Variants in SEPTIN11 observed in about 807,000 individuals in gnomAD.
SEPTIN11 encodes septin 11.
SEPTIN11 carries 25 observed loss-of-function variants against 51.4 expected under a neutral mutation model. The ratio of observed to expected loss-of-function variants is 0.49; its 90% confidence interval spans 0.35 to 0.68. SEPTIN11 has a LOEUF of 0.68. Ranked by LOEUF, SEPTIN11 falls within the 30% of genes least tolerant of loss-of-function variation. SEPTIN11 has a pLI of 0.00. For synonymous variants in SEPTIN11, 174 were observed against 184.1 expected, an observed-to-expected ratio of 0.95 and a Z score of 0.44; for missense variants, 381 against 520.8, an observed-to-expected ratio of 0.73 and a Z score of 2.61.
At chr4:77,030,624 T>C (rs1270698736) in intron 8 of SEPTIN11, among the ~76,000 whole-genome samples, 159 bp from the exon 9 acceptor site, 1 of 152,130 alleles carries the variant, frequency 6.6e-6, no homozygotes, top group African/African-American at 2.4e-5. Flanking sequence ...CTTGAACTCC[T>C]GACCTCGTGA....
chr4:77,025,379 AT>A (rs1220703895), intron 7 of SEPTIN11, among the ~76,000 whole-genome samples: 1 of 152,008 alleles, frequency 6.6e-6, no homozygotes, highest in Non-Finnish European at 1.5e-5. Context: ...TCAACAAAAA[AT>A]TTTAAAAAAA....
intron 1 of SEPTIN11, among the ~76,000 whole-genome samples, chr4:76,963,911 G>T (rs540041278): frequency 1.2e-3 from 190 of 152,164 alleles, no homozygotes; most frequent in Non-Finnish European, 2.0e-3. Flanking sequence ...CCATTAACTT[G>T]TCATTTACAT....
intron 2 of SEPTIN11, among the ~76,000 whole-genome samples, chr4:76,999,346 A>G (rs1179328625): frequency 6.6e-6 from 1 of 152,222 alleles, no homozygotes; most frequent in Non-Finnish European, 1.5e-5. Context: ...AAGAGTCTAT[A>G]AAAAGTAGAT....
At chr4:77,008,960 T>C (rs1578177206) in intron 3 of SEPTIN11, among the ~76,000 whole-genome samples, 1 of 152,208 alleles carries the variant, frequency 6.6e-6, no homozygotes, top group East Asian at 1.9e-4. Context: ...TGGAAAGGAT[T>C]TGGAGGAAGA....
At chr4:77,011,148 G>C (rs570304895) in intron 3 of SEPTIN11, among the ~76,000 whole-genome samples, 2 of 152,274 alleles carry the variant, frequency 1.3e-5, no homozygotes, top group South Asian at 4.1e-4. Flanking sequence ...TGGGAGCACA[G>C]ACAGCCCCCA....
chr4:76,988,348 T>C (rs1339720306), intron 1 of SEPTIN11, among the ~76,000 whole-genome samples: 1 of 152,210 alleles, frequency 6.6e-6, no homozygotes, highest in East Asian at 1.9e-4. Context: ...GGAGGCTTTG[T>C]TTTTTCATCA....
At position 77,019,239 on chromosome 4, in the gene SEPTIN11, G is replaced by A. The variant is rs1266860646; in HGVS notation, c.762G>A (p.Gln254=). The A allele has an allele frequency of 2.5e-6, 4 of 1,612,998 alleles. 1 individual carries two copies. Among genetic ancestry groups the A allele is most frequent in the South Asian group, 1.1e-5 (1 of 90,598 alleles). ...GCAACAAGATGGCAAAGGCCAGGCA[G>A]TACCCCTGGGGTGTGGTGCAGGGTA... ...KIGNKMAKAR[Q]YPWGVVQVEN... is the part of the protein sequence containing the mutation. The change falls in exon 6 of 10, where the codon CAG becomes CAA. Residue 254 remains glutamine (Q), a synonymous_variant. Coordinates refer to ENST00000264893, the MANE Select transcript of SEPTIN11 (RefSeq NM_018243.4).
In SEPTIN11 at chr4:76,965,900, G is replaced by T. The variant is rs185959363; in HGVS notation, c.27+15970G>T. On this transcript the variant is annotated intron_variant, in intron 1 of 9. Coordinates refer to ENST00000264893, the MANE Select transcript of SEPTIN11 (RefSeq NM_018243.4). ...ATCATCGGAAATGCTCTCAGGGCTT[G>T]GCTCAGCTGTCTATTGATGTAAAAA... Among the ~76,000 whole-genome samples, 4 of 152,294 alleles carry T rather than the reference G, an allele frequency of 2.6e-5. No individual in the cohort carries two copies. In the East Asian group the frequency reaches 7.7e-4, roughly 29 times the overall value.
chr4:76,954,646 A>G (rs2109876851), intron 1 of SEPTIN11, among the ~76,000 whole-genome samples: 1 of 152,344 alleles, frequency 6.6e-6, no homozygotes, highest in South Asian at 2.1e-4. Context: ...CTAAAATGAA[A>G]TTCACATTGT....
rs147043379 is a variant in SEPTIN11, at chr4:77,024,906, C to T, written c.954-3723C>T. 0.014 allele frequency among the ~76,000 whole-genome samples: 2,189 copies of T among 152,258 alleles called. 26 individuals carry two copies. Among genetic ancestry groups the T allele is most frequent in the Non-Finnish European group, 0.022 (1,520 of 68,008 alleles). On this transcript the variant is annotated intron_variant, in intron 7 of 9. Coordinates refer to ENST00000264893, the MANE Select transcript of SEPTIN11 (RefSeq NM_018243.4). The surrounding 1 kb of genome is among the most constrained non-coding windows in gnomAD (Gnocchi z 4.2). ...TTGTTGTAAGGATTAAATGAATTCA[C>T]ATGTGTATTGCTCCACTCCACAAAA...
intron 1 of SEPTIN11, among the ~76,000 whole-genome samples, chr4:76,965,832 A>C (rs1722014275): frequency 6.6e-6 from 1 of 152,222 alleles, no homozygotes; most frequent in South Asian, 2.1e-4. Context: ...ACGGTATCTT[A>C]GGATTTAAAG....
intron 2 of SEPTIN11, among the ~76,000 whole-genome samples, chr4:77,000,230 G>A (rs1724024419): frequency 6.6e-6 from 1 of 152,244 alleles, no homozygotes; most frequent in Non-Finnish European, 1.5e-5. Flanking sequence ...TTGAGGGGAT[G>A]AGAGAACAGG....
intron 4 of SEPTIN11, among the ~76,000 whole-genome samples, chr4:77,013,370 T>C (rs528785769): frequency 6.6e-6 from 1 of 152,336 alleles, no homozygotes; most frequent in South Asian, 2.1e-4. Flanking sequence ...AGCAAATGTA[T>C]GGTCATTTCA....
intron 1 of SEPTIN11, among the ~76,000 whole-genome samples, chr4:76,955,927 G>A (rs540106253): frequency 2.0e-5 from 3 of 152,134 alleles, no homozygotes; most frequent in Non-Finnish European, 4.4e-5. Flanking sequence ...GGTGGGGCTG[G>A]GGGGGAAGAT....
Position 77,005,722 on chromosome 4 carries a change from G to T in SEPTIN11, c.264G>T (p.Gln88His). ...TAAAAGCCAGAAGTTATGAGCTTCAGGAAAGCAATGTACGGCTGAAGTTAA... is the reference window on the plus strand; with the variant it reads ...TAAAAGCCAGAAGTTATGAGCTTCATGAAAGCAATGTACGGCTGAAGTTAA... Reference protein sequence around the residue: ...VRLKARSYELQESNVRLKLTI... With the variant: ...VRLKARSYELHESNVRLKLTI... The change falls in exon 3 of 10, where the codon CAG (glutamine) becomes CAT (histidine). Residue 88 changes from glutamine (Q) to histidine (H), a missense_variant. Physicochemically the swap from Gln to His is conservative, Grantham distance 24. Coordinates refer to ENST00000264893, the MANE Select transcript of SEPTIN11 (RefSeq NM_018243.4). 1 of 1,614,042 alleles carries T rather than the reference G, an allele frequency of 6.2e-7. No homozygotes were observed. The highest frequency in any genetic ancestry group is 8.5e-7 in the Non-Finnish European group (1 of 1,179,964).
intron 2 of SEPTIN11, among the ~76,000 whole-genome samples, chr4:77,001,801 A>G (rs1327141063): frequency 1.3e-5 from 2 of 152,182 alleles, no homozygotes; most frequent in Non-Finnish European, 2.9e-5. Flanking sequence ...TTATTCAGTT[A>G]GAAAGAAATT....
In SEPTIN11 at chr4:76,996,515, T is replaced by C; in HGVS notation, c.118T>C (p.Phe40Leu). ...QLVNKSTSQG[F>L]CFNILCVGET... ...GGTCAACAAGTCTACTTCTCAAGGATTCTGTTTCAACATCCTTTGTGTTGG... is the reference window on the plus strand; with the variant it reads ...GGTCAACAAGTCTACTTCTCAAGGACTCTGTTTCAACATCCTTTGTGTTGG... Residue 40 changes from phenylalanine (F) to leucine (L), a missense_variant, in exon 2 of 10, where the codon TTC (phenylalanine) becomes CTC (leucine). Physicochemically the swap from Phe to Leu is conservative, Grantham distance 22. Around this residue, in one of 2 missense-constraint regions of SEPTIN11, gnomAD observed 184 missense variants for 207.7 expected, o/e 0.89. Transcript: ENST00000264893. The C allele has an allele frequency of 6.2e-7, 1 of 1,613,932 alleles. No individual in the cohort carries two copies.
Position 76,949,833 on chromosome 4 carries a change from C to T in SEPTIN11, c.-71C>T, listed in dbSNP as rs1035225530. On this transcript the variant is annotated 5_prime_UTR_variant, in exon 1 of 10. Transcript: ENST00000264893. Reference sequence around the variant, plus strand: ...GAGGCGCGAGGGAGGCGAGCCGGAGCCCGAGCACTAGCAGCAGCCGGAGTC... The same window carrying T: ...GAGGCGCGAGGGAGGCGAGCCGGAGTCCGAGCACTAGCAGCAGCCGGAGTC... 5 of 1,475,646 alleles carry T rather than the reference C, an allele frequency of 3.4e-6. No individual in the cohort carries two copies. Among genetic ancestry groups the T allele is most frequent in the Non-Finnish European group, 4.5e-6 (5 of 1,106,318 alleles). 91.4% of individuals were successfully genotyped at this position (1,475,646 alleles called of 1,614,324 possible).
chr4:77,028,881 G>C (rs1726387071), intron 8 of SEPTIN11, 120 bp downstream of exon 8: 2 of 1,080,064 alleles, frequency 1.9e-6, no homozygotes. Flanking sequence ...TGTCACGAGT[G>C]ACCTGCCAAC....
Sources: gnomAD v4.1 joint callset for allele counts (sites outside exome capture counted in the v4.1 genomes callset) on GRCh38, gnomAD v4.1.1 for gene constraint, gnomAD v4.1.1 regional missense constraint, Gnocchi (gnomAD v3.1) non-coding constraint, MANE v1.5 for transcripts, NCBI Gene and HGNC (gene_info 2026-07-23, HGNC 2026-07-21) for gene names.